Variants in KCTD8 observed in about 807,000 individuals in gnomAD.
KCTD8 encodes the protein BTB/POZ domain-containing protein KCTD8.
KCTD8 carries 27 observed loss-of-function variants against 31.5 expected under a neutral mutation model. The observed-to-expected ratio is 0.86, with a 90% CI of 0.63 to 1.18. The LOEUF is 1.18. Ranked by LOEUF, KCTD8 falls within the 50% of genes most tolerant of loss-of-function variation. The pLI is 0.00. For missense variants in KCTD8, 658 were observed against 647.7 expected, an observed-to-expected ratio of 1.02 and a Z score of -0.17; for synonymous variants, 290 against 280.0, an observed-to-expected ratio of 1.04 and a Z score of -0.36.
chr4:44,439,353 G>A (rs546113447), intron 1 of KCTD8, among the ~76,000 whole-genome samples: 24 of 151,870 alleles, frequency 1.6e-4, no homozygotes, highest in African/African-American at 5.3e-4. Flanking sequence ...TTTTTTCCCC[G>A]ATAAAAGCAG....
intron 1 of KCTD8, among the ~76,000 whole-genome samples, chr4:44,313,093 G>C (rs2109400649): frequency 6.6e-6 from 1 of 152,216 alleles, no homozygotes; most frequent in South Asian, 2.1e-4. Flanking sequence ...AATTTCCTTG[G>C]TGTGCCCTGC....
intron 1 of KCTD8, among the ~76,000 whole-genome samples, chr4:44,384,151 A>C (rs13112872): frequency 0.062 from 9,127 of 146,334 alleles, 844 homozygotes; most frequent in African/African-American, 0.21. Context: ...TCAAAAAAAA[A>C]CAAAAAAAAA....
chr4:44,299,363 A>T (rs572722007), intron 1 of KCTD8, among the ~76,000 whole-genome samples: 1 of 152,330 alleles, frequency 6.6e-6, no homozygotes, highest in South Asian at 2.1e-4. Context: ...TAACATAATG[A>T]AAATCCAAGA....
rs1046605156 is a variant in KCTD8 at position 44,285,410 on chromosome 4, G to T, written c.962-110160C>A. 3.3e-5 allele frequency among the ~76,000 whole-genome samples: 5 copies of T among 152,018 alleles called. No individual in the cohort carries two copies. In the East Asian group the frequency reaches 9.7e-4, roughly 29 times the overall value. On this transcript the variant is annotated intron_variant, in intron 1 of 1. Transcript: ENST00000360029. ...CACCATATGTTCTCACTCATAAGTG[G>T]GAGTCGAACAACAAGAACACATGGA...
chr4:44,203,371 C>A lies in KCTD8; in HGVS notation c.962-28121G>T, dbSNP rs1378384901. Among the ~76,000 whole-genome samples, 10 of 151,670 alleles carry A rather than the reference C, an allele frequency of 6.6e-5. No individual in the cohort carries two copies. In the South Asian group the frequency reaches 1.7e-3, roughly 25 times the overall value. On this transcript the variant is annotated intron_variant, in intron 1 of 1. Transcript: ENST00000360029. The stretch of plus-strand genomic sequence containing the variant: ...TACAAAAATTAGCTGAGTGTGGAGG[C>A]AGGCGCTTGTAATCCCAGCTACCTG...
chr4:44,407,721 A>G (rs1009072431), intron 1 of KCTD8, among the ~76,000 whole-genome samples: 7 of 152,024 alleles, frequency 4.6e-5, no homozygotes, highest in Non-Finnish European at 4.4e-5. Context: ...TTTCATCATG[A>G]TATTCCATCA....
chr4:44,409,912 G>T (rs189034128), intron 1 of KCTD8, among the ~76,000 whole-genome samples: 20 of 151,656 alleles, frequency 1.3e-4, no homozygotes, highest in Admixed American at 9.8e-4. Flanking sequence ...CACAAAAAAA[G>T]ATTCAAAGTA....
intron 1 of KCTD8, among the ~76,000 whole-genome samples, chr4:44,364,374 ACAATGAGTTAC>A (rs149382342): frequency 0.092 from 13,986 of 152,176 alleles, 709 homozygotes; most frequent in Admixed American, 0.17. Flanking sequence ...GCAAATTAAA[ACAATGAGTTAC>A]TACTACACAC....
chr4:44,246,271 A>T (rs1176671290), intron 1 of KCTD8, among the ~76,000 whole-genome samples: 2 of 152,026 alleles, frequency 1.3e-5, no homozygotes, highest in Non-Finnish European at 2.9e-5. Flanking sequence ...TTTAAAATGA[A>T]TTGAAGTCAT....
rs748503282 is a variant in KCTD8, at chr4:44,448,527, C to A, written c.-4G>T. The A allele has an allele frequency of 1.4e-6, 2 of 1,453,830 alleles. No individual in the cohort carries two copies. The highest frequency in any genetic ancestry group is 2.5e-5 in the East Asian group (1 of 39,282). The allele number at this position is 1,453,830 out of a possible 1,614,324, so 90.1% of individuals were successfully genotyped here. On this transcript the variant is annotated 5_prime_UTR_variant, in exon 1 of 2. Coordinates refer to ENST00000360029, the MANE Select transcript of KCTD8 (RefSeq NM_198353.3). This position sits in a 1 kb window ranked among gnomAD's most constrained non-coding sequence, Gnocchi z 4.1. ...TGCCCGTGTCCTTCAGAGCCATAGT[C>A]CCCCCGCCGCCGGCCCAGTGACCCG...
chr4:44,283,761 T>C (rs532397013), intron 1 of KCTD8, among the ~76,000 whole-genome samples: 2 of 152,298 alleles, frequency 1.3e-5, no homozygotes, highest in East Asian at 3.9e-4. Context: ...CTTAAGCTGA[T>C]AAGCAAATTC....
intron 1 of KCTD8, among the ~76,000 whole-genome samples, chr4:44,288,548 T>C (rs575660321): frequency 4.6e-5 from 7 of 152,210 alleles, no homozygotes; most frequent in East Asian, 1.9e-4. Flanking sequence ...AAGGAAGTAG[T>C]AGATACTTTG....
intron 1 of KCTD8, among the ~76,000 whole-genome samples, chr4:44,244,704 T>C (rs189371924): frequency 6.6e-6 from 1 of 152,218 alleles, no homozygotes; most frequent in East Asian, 1.9e-4. Context: ...GGGGTCCTGT[T>C]CCATACCCAG....
intron 1 of KCTD8, among the ~76,000 whole-genome samples, chr4:44,232,179 A>C (rs933408071): frequency 2.0e-5 from 3 of 152,136 alleles, no homozygotes; most frequent in Non-Finnish European, 4.4e-5. Flanking sequence ...AGAAACAATA[A>C]TTTCTAGACC....
chr4:44,349,091 C>CACT (rs770407970), intron 1 of KCTD8, among the ~76,000 whole-genome samples: 9 of 132,872 alleles, frequency 6.8e-5, no homozygotes, highest in African/African-American at 2.1e-4. Flanking sequence ...CCACCACCAC[C>CACT]ACCACTACCA....
At chr4:44,374,932 G>A (rs182022818) in intron 1 of KCTD8, among the ~76,000 whole-genome samples, 21 of 152,242 alleles carry the variant, frequency 1.4e-4, no homozygotes, top group African/African-American at 5.1e-4. Context: ...AGCGCATGCT[G>A]TCAGAAAATG....
chr4:44,180,795 T>G (rs1713359285), intron 1 of KCTD8, among the ~76,000 whole-genome samples: 1 of 152,150 alleles, frequency 6.6e-6, no homozygotes, highest in Admixed American at 6.6e-5. Context: ...CCTAAGTTCT[T>G]TTATGTTATA....
intron 1 of KCTD8, among the ~76,000 whole-genome samples, chr4:44,354,626 C>T (rs983661718): frequency 4.6e-5 from 7 of 152,064 alleles, no homozygotes; most frequent in Admixed American, 1.3e-4. Context: ...TCTAAGTGTT[C>T]AGTGCAAATT....
chr4:44,303,209 G>C (rs1190655036), intron 1 of KCTD8, among the ~76,000 whole-genome samples: 1 of 152,040 alleles, frequency 6.6e-6, no homozygotes, highest in Non-Finnish European at 1.5e-5. Flanking sequence ...GCCCAGCTTT[G>C]GAATCAAGAT....
Sources: allele counts gnomAD v4.1 joint callset (sites outside exome capture counted in the v4.1 genomes callset), GRCh38; gene constraint gnomAD v4.1.1; non-coding constraint Gnocchi (gnomAD v3.1); transcripts MANE v1.5; gene names NCBI Gene and HGNC (gene_info 2026-07-23, HGNC 2026-07-21).